Variants in CADM1 observed in about 807,000 individuals in gnomAD.
The protein encoded by CADM1 is cell adhesion molecule 1.
Under a neutral mutation model 53.1 loss-of-function variants are expected in CADM1, and 15 were observed. That is an observed-to-expected ratio of 0.28 (90% CI 0.19 to 0.44). The LOEUF is 0.44. Ranked by LOEUF, CADM1 falls within the 20% of genes least tolerant of loss-of-function variation. The pLI is 1.00. For synonymous variants in CADM1, 281 were observed against 243.0 expected (o/e 1.16, Z -1.45); for missense variants, 434 against 611.3 (o/e 0.71, Z 3.06).
At chr11:115,467,317 CA>C (rs1372826666) in intron 1 of CADM1, among the ~76,000 whole-genome samples, 6 of 152,174 alleles carry the variant, frequency 3.9e-5, no homozygotes, top group Non-Finnish European at 7.3e-5. Context: ...CAAAAACTGC[CA>C]ATCATGAACT....
chr11:115,296,044 AG>A lies in CADM1; in HGVS notation c.125-55625del, dbSNP rs1177945336. Among the ~76,000 whole-genome samples, 11 of 152,146 alleles carry A rather than the reference AG, an allele frequency of 7.2e-5. No homozygotes were observed. The East Asian group carries it at 2.1e-3, about 29-fold the overall frequency. The stretch of plus-strand genomic sequence containing the variant: ...TAGTTCACTATAACCTGGAACTCCT[AG>A]GTACAAGTGATCCTCCTGCCTCAGC... On this transcript the variant is annotated intron_variant, in intron 1 of 11. Coordinates refer to ENST00000331581, the MANE Select transcript of CADM1 (RefSeq NM_001301043.2).
intron 1 of CADM1, among the ~76,000 whole-genome samples, chr11:115,367,087 T>C (rs1255722711): frequency 6.6e-6 from 1 of 152,222 alleles, no homozygotes; most frequent in Non-Finnish European, 1.5e-5. Flanking sequence ...AATGGCCATG[T>C]GCCAGTGGTT....
At chr11:115,499,160 C>T (rs1949681964) in intron 1 of CADM1, among the ~76,000 whole-genome samples, 1 of 152,054 alleles carries the variant, frequency 6.6e-6, no homozygotes, top group Non-Finnish European at 1.5e-5. Flanking sequence ...GAGGCAAGTT[C>T]CTGGTAAGAA....
At chr11:115,373,583 CA>C (rs35059216) in intron 1 of CADM1, among the ~76,000 whole-genome samples, 529 of 48,822 alleles carry the variant, frequency 0.011, 2 homozygotes, top group African/African-American at 0.044. Context: ...GACTCTGTCT[CA>C]AAAAAAAAAA....
intron 1 of CADM1, among the ~76,000 whole-genome samples, chr11:115,332,954 C>T (rs1945171558): frequency 6.6e-6 from 1 of 152,078 alleles, no homozygotes; most frequent in Non-Finnish European, 1.5e-5. Flanking sequence ...GACATTTTCT[C>T]CCCAGGAACT....
chr11:115,231,641 AGTTATGCAAAATCAGTTAAT>A lies in CADM1; in HGVS notation c.425-171_425-152del. ...TACAAAGTAATCATCAAATAAAGTG[AGTTATGCAAAATCAGTTAAT>A]TTAGAATTTCTATCCTAAATTTATG... On this transcript the variant is annotated intron_variant, in intron 3 of 11. Transcript: ENST00000331581. 3 of 742,636 alleles carry A rather than the reference AGTTATGCAAAATCAGTTAAT, an allele frequency of 4.0e-6. No individual in the cohort carries two copies. In the South Asian group the frequency reaches 4.7e-5, roughly 12 times the overall value. The allele number at this position is 742,636 out of a possible 1,614,324, so 46.0% of individuals were successfully genotyped here.
intron 1 of CADM1, among the ~76,000 whole-genome samples, chr11:115,349,113 G>A (rs2135051998): frequency 6.6e-6 from 1 of 152,190 alleles, no homozygotes; most frequent in South Asian, 2.1e-4. Flanking sequence ...ATTTCATTTT[G>A]TATTTATTTG....
At chr11:115,503,822 G>C (rs1349967915) in intron 1 of CADM1, among the ~76,000 whole-genome samples, 1 of 152,138 alleles carries the variant, frequency 6.6e-6, no homozygotes, top group Admixed American at 6.5e-5. Context: ...CTTCGGGGAT[G>C]GAGAACTGGG....
intron 8 of CADM1, among the ~76,000 whole-genome samples, chr11:115,204,760 G>T (rs961914856): frequency 6.6e-6 from 1 of 152,112 alleles, no homozygotes; most frequent in African/African-American, 2.4e-5. Flanking sequence ...AAGGATAAAG[G>T]CTATACCCAC....
At chr11:115,236,242 T>TC (rs1367944542) in intron 3 of CADM1, among the ~76,000 whole-genome samples, 1 of 152,212 alleles carries the variant, frequency 6.6e-6, no homozygotes, top group African/African-American at 2.4e-5. Flanking sequence ...CTGTCATTCT[T>TC]CATTCATTGT....
At chr11:115,275,223 T>TCTCAC (rs1466189453) in intron 1 of CADM1, among the ~76,000 whole-genome samples, 2 of 152,162 alleles carry the variant, frequency 1.3e-5, no homozygotes, top group Non-Finnish European at 2.9e-5. Context: ...GCTCACGTCC[T>TCTCAC]CTCACCCATG....
intron 1 of CADM1, among the ~76,000 whole-genome samples, chr11:115,446,441 G>A (rs1013628404): frequency 1.2e-4 from 18 of 152,130 alleles, no homozygotes; most frequent in African/African-American, 4.1e-4. Flanking sequence ...AGCAACTGAA[G>A]GCTCACGTGT....
chr11:115,209,406 G>T (rs1591606148), intron 8 of CADM1, among the ~76,000 whole-genome samples, 168 bp downstream of exon 8: 1 of 152,310 alleles, frequency 6.6e-6, no homozygotes, highest in East Asian at 1.9e-4. Flanking sequence ...TGTTTCTGAG[G>T]TCCTTAAGAT....
intron 10 of CADM1, chr11:115,178,999 G>T: frequency 1.8e-6 from 1 of 571,102 alleles, no homozygotes; most frequent in Non-Finnish European, 3.2e-6. Context: ...CAGCATAGGA[G>T]GGTTAATGCA....
At chr11:115,260,225 C>T (rs889663664) in intron 1 of CADM1, among the ~76,000 whole-genome samples, 6 of 152,216 alleles carry the variant, frequency 3.9e-5, no homozygotes, top group Non-Finnish European at 7.3e-5. Context: ...CCACCATGCC[C>T]GGCCACCCTT....
chr11:115,285,452 CAG>C (rs1369560464), intron 1 of CADM1, among the ~76,000 whole-genome samples: 1 of 152,226 alleles, frequency 6.6e-6, no homozygotes, highest in Non-Finnish European at 1.5e-5. Flanking sequence ...AGCTGAGGCA[CAG>C]AGAGTTGAAT....
intron 8 of CADM1, among the ~76,000 whole-genome samples, chr11:115,206,061 A>G (rs1360935321): frequency 6.6e-6 from 1 of 152,234 alleles, no homozygotes. Context: ...CAGGACACTT[A>G]CATTAGCCTA....
rs914454136 is a variant in CADM1, at chr11:115,439,180, C to T, written c.124+65091G>A. Among the ~76,000 whole-genome samples, 5 of 142,424 alleles carry T rather than the reference C, an allele frequency of 3.5e-5. No homozygotes were observed. The South Asian group carries it at 8.8e-4, about 25-fold the overall frequency. The allele number at this position is 142,424 out of a possible 152,430, so 93.4% of individuals were successfully genotyped here. A position where few individuals can be genotyped will look rare whatever the true frequency, so the allele number is the denominator to read the frequency against. Reference sequence around the variant, plus strand: ...AGTAAAATGATGTCATAAGTAAAGGCTAACCAGGTATCCATTACCACCAAA... The same window carrying T: ...AGTAAAATGATGTCATAAGTAAAGGTTAACCAGGTATCCATTACCACCAAA... On this transcript the variant is annotated intron_variant, in intron 1 of 11. Transcript: ENST00000331581.
chr11:115,307,547 A>AT (rs552464830), intron 1 of CADM1, among the ~76,000 whole-genome samples: 1 of 150,632 alleles, frequency 6.6e-6, no homozygotes, highest in South Asian at 2.1e-4. Flanking sequence ...CTGAGACCCA[A>AT]TTACTAAAAT....
Sources: gnomAD v4.1 joint callset for allele counts (sites outside exome capture counted in the v4.1 genomes callset) on GRCh38, gnomAD v4.1.1 for gene constraint, MANE v1.5 for transcripts, NCBI Gene and HGNC (gene_info 2026-07-23, HGNC 2026-07-21) for gene names.